CDH12: variants seen among roughly 807,000 people sequenced by gnomAD.
The protein encoded by CDH12 is cadherin-12.
CDH12 carries 41 observed loss-of-function variants against 74.1 expected under a neutral mutation model. The ratio of observed to expected loss-of-function variants is 0.55; its 90% CI spans 0.43 to 0.72. The LOEUF is 0.72. CDH12 is among the 30% of genes least tolerant of loss of function. The pLI is 0.00. For synonymous variants in CDH12, 399 were observed against 355.0 expected (o/e 1.12, Z -1.39); for missense variants, 945 against 977.2 (o/e 0.97, Z 0.44).
chr5:22,771,396 G>C (rs543959320), intron 1 of CDH12, among the ~76,000 whole-genome samples: 2 of 152,162 alleles, frequency 1.3e-5, no homozygotes, highest in Admixed American at 1.3e-4. Context: ...CCTGAAAGAA[G>C]AGAAGGTTCT....
At chr5:22,809,347 C>T (rs924509715) in intron 1 of CDH12, among the ~76,000 whole-genome samples, 88 of 151,692 alleles carry the variant, frequency 5.8e-4, no homozygotes, top group African/African-American at 1.9e-3. Flanking sequence ...TAATTTTATG[C>T]TTATTCTCTG....
chr5:22,594,187 T>G (rs1736483167), intron 1 of CDH12, among the ~76,000 whole-genome samples: 1 of 152,156 alleles, frequency 6.6e-6, no homozygotes, highest in South Asian at 2.1e-4. Flanking sequence ...AGCCCTAAAT[T>G]TTGAGCCTGG....
intron 6 of CDH12, among the ~76,000 whole-genome samples, chr5:21,963,019 C>G (rs1309079987): frequency 6.6e-6 from 1 of 152,066 alleles, no homozygotes; most frequent in African/African-American, 2.4e-5. Context: ...TTTTCCTTTC[C>G]TATACAAATT....
rs60865016 is a variant in CDH12 at position 21,844,999 on chromosome 5, G to GTAGATAGATAGATAGA, written c.647-2687_647-2672dup. Among the ~76,000 whole-genome samples, 697 of 149,698 alleles carry GTAGATAGATAGATAGA rather than the reference G, an allele frequency of 4.7e-3. 4 individuals carry two copies. Among genetic ancestry groups the GTAGATAGATAGATAGA allele is most frequent in the Admixed American group, 0.016 (238 of 14,924 alleles). ...TTATTACCTGAGACTACTGAGGTAG[G>GTAGATAGATAGATAGA]TAGATAGATAGATAGATAGATAGAT... On this transcript the variant is annotated intron_variant, in intron 7 of 14. Coordinates refer to ENST00000382254, the MANE Select transcript of CDH12 (RefSeq NM_004061.5).
At chr5:21,873,600 C>T (rs889999502) in intron 6 of CDH12, among the ~76,000 whole-genome samples, 20 of 151,878 alleles carry the variant, frequency 1.3e-4, no homozygotes, top group South Asian at 2.1e-4. Flanking sequence ...AACCATAAAT[C>T]CTCTTTTATG....
In CDH12 at chr5:22,197,083, G is replaced by A. The variant is rs188084477; in HGVS notation, c.-187+15415C>T. ...AGAGTTAAAAAATAGTTTATGATAA[G>A]ATTTTCATTAATAAGAAACTGTTTG... On this transcript the variant is annotated intron_variant, in intron 4 of 14. Coordinates refer to ENST00000382254, the MANE Select transcript of CDH12 (RefSeq NM_004061.5). Among the ~76,000 whole-genome samples the A allele has an allele frequency of 7.9e-4, 120 of 152,236 alleles. 1 individual carries two copies. Among genetic ancestry groups the A allele is most frequent in the Admixed American group, 3.8e-3 (58 of 15,284 alleles).
At chr5:22,608,158 T>C (rs2126822363) in intron 1 of CDH12, among the ~76,000 whole-genome samples, 1 of 151,962 alleles carries the variant, frequency 6.6e-6, no homozygotes, top group African/African-American at 2.4e-5. Flanking sequence ...AGACACTCAA[T>C]GCCAGCCCAT....
At chr5:22,799,120 C>T (rs1467131148) in intron 1 of CDH12, among the ~76,000 whole-genome samples, 2 of 151,698 alleles carry the variant, frequency 1.3e-5, no homozygotes, top group Non-Finnish European at 2.9e-5. Flanking sequence ...CAGTCTCAAA[C>T]AAACAAACAA....
intron 4 of CDH12, among the ~76,000 whole-genome samples, chr5:22,208,392 C>T (rs965919251): frequency 1.3e-4 from 20 of 152,206 alleles, no homozygotes; most frequent in African/African-American, 4.3e-4. Flanking sequence ...CTCTTTTCTT[C>T]TTGTGCTTAG....
At chr5:22,594,308 C>T (rs985556280) in intron 1 of CDH12, among the ~76,000 whole-genome samples, 1 of 152,156 alleles carries the variant, frequency 6.6e-6, no homozygotes, top group African/African-American at 2.4e-5. Flanking sequence ...GTATGGCTCA[C>T]ATTGTTCCCT....
chr5:22,432,170 A>T (rs549950663), intron 2 of CDH12, among the ~76,000 whole-genome samples: 4 of 152,116 alleles, frequency 2.6e-5, no homozygotes, highest in African/African-American at 9.6e-5. Context: ...ACTTTTTATG[A>T]TTAGATAGGA....
rs112495954 is a variant in CDH12 at position 21,940,729 on chromosome 5, A to G, written c.526+34362T>C. ...TCATATAGTATATATCTGATGATATACAATTGCTTCATGTAGTTAAACTTG... is the reference window on the plus strand; with the variant it reads ...TCATATAGTATATATCTGATGATATGCAATTGCTTCATGTAGTTAAACTTG... On this transcript the variant is annotated intron_variant, in intron 6 of 14. Transcript: ENST00000382254. 2.6e-3 allele frequency among the ~76,000 whole-genome samples: 396 copies of G among 152,332 alleles called. 3 individuals are homozygous for G. Among genetic ancestry groups the G allele is most frequent in the African/African-American group, 8.9e-3 (372 of 41,576 alleles).
intron 6 of CDH12, among the ~76,000 whole-genome samples, chr5:21,916,658 C>G (rs1372478884): frequency 6.6e-6 from 1 of 152,134 alleles, no homozygotes; most frequent in Non-Finnish European, 1.5e-5. Context: ...TCCCTCCAAA[C>G]TTGGGCCTGG....
At chr5:22,153,913 T>TACACAC (rs71609744) in intron 4 of CDH12, among the ~76,000 whole-genome samples, 9 of 130,334 alleles carry the variant, frequency 6.9e-5, no homozygotes, top group African/African-American at 2.6e-4. Context: ...TACACACACA[T>TACACAC]ACACACACAC....
rs1738729195 is a variant in CDH12, at chr5:22,030,327, A to C, written c.231+48119T>G. On this transcript the variant is annotated intron_variant, in intron 5 of 14. Coordinates refer to ENST00000382254, the MANE Select transcript of CDH12 (RefSeq NM_004061.5). Reference sequence around the variant, plus strand: ...TGAATGAGACTTGAAAGTTGAAATTACTCCTTGATGCATGGACTGCAGAAT... The same window carrying C: ...TGAATGAGACTTGAAAGTTGAAATTCCTCCTTGATGCATGGACTGCAGAAT... Among the ~76,000 whole-genome samples, 3 of 152,160 alleles carry C rather than the reference A, an allele frequency of 2.0e-5. No homozygotes were observed. In the South Asian group the frequency reaches 6.2e-4, roughly 32 times the overall value.
chr5:22,754,486 T>A (rs1354456928), intron 1 of CDH12, among the ~76,000 whole-genome samples: 1 of 150,246 alleles, frequency 6.7e-6, no homozygotes, highest in African/African-American at 2.5e-5. Flanking sequence ...AGAAGATAGA[T>A]CTAGGTGATG....
chr5:21,891,190 T>G (rs1037854082), intron 6 of CDH12, among the ~76,000 whole-genome samples: 2 of 152,106 alleles, frequency 1.3e-5, no homozygotes, highest in Non-Finnish European at 1.5e-5. Context: ...AAGATCAGCC[T>G]AACAATTGAG....
At chr5:22,435,654 T>C (rs994853822) in intron 2 of CDH12, among the ~76,000 whole-genome samples, 1 of 151,986 alleles carries the variant, frequency 6.6e-6, no homozygotes, top group African/African-American at 2.4e-5. Context: ...CTTGCCTTTG[T>C]AGGACTAACA....
In CDH12 at chr5:22,312,831, A is replaced by G. The variant is rs149373706; in HGVS notation, c.-333+92426T>C. On this transcript the variant is annotated intron_variant, in intron 3 of 14. Transcript: ENST00000382254. ...TTCTCTTTACATCAGATGTATGGACATGAATTGGAGAGTTCCACACATAAA... is the reference window on the plus strand; with the variant it reads ...TTCTCTTTACATCAGATGTATGGACGTGAATTGGAGAGTTCCACACATAAA... Among the ~76,000 whole-genome samples, 205 of 152,366 alleles carry G rather than the reference A, an allele frequency of 1.3e-3. 1 individual carries two copies. The highest frequency in any genetic ancestry group is 2.2e-3 in the Non-Finnish European group (147 of 68,026).
Sources: allele counts gnomAD v4.1 joint callset (sites outside exome capture counted in the v4.1 genomes callset), GRCh38; gene constraint gnomAD v4.1.1; transcripts MANE v1.5; gene names NCBI Gene and HGNC (gene_info 2026-07-23, HGNC 2026-07-21).